UBXN7: variants seen among roughly 807,000 people sequenced by gnomAD.
The protein encoded by UBXN7 is UBX domain-containing protein 7.
In UBXN7, 9 loss-of-function variants were observed where a neutral mutation model predicts 58.0. The ratio of observed to expected loss-of-function variants is 0.16; its 90% CI spans 0.09 to 0.27. The LOEUF is 0.27. UBXN7 is among the 10% of genes least tolerant of loss of function. The pLI, the probability that UBXN7 is intolerant of heterozygous loss-of-function variation, is 1.00. For missense variants in UBXN7, 328 were observed against 599.6 expected (o/e 0.55, Z 4.73); for synonymous variants, 208 against 205.0 (o/e 1.01, Z -0.12).
At chr3:196,415,780 C>CA (rs570503579) in intron 1 of UBXN7, among the ~76,000 whole-genome samples, 18,008 of 137,892 alleles carry the variant, frequency 0.13, 1,190 homozygotes, top group South Asian at 0.22. Context: ...GACTTCATCT[C>CA]AAAAAAAAAA....
intron 5 of UBXN7, among the ~76,000 whole-genome samples, chr3:196,388,798 C>T (rs1662634488): frequency 6.6e-6 from 1 of 152,076 alleles, no homozygotes; most frequent in African/African-American, 2.4e-5. Flanking sequence ...CTTAATTTTG[C>T]TTGTTATCTC....
At chr3:196,385,819 C>A (rs1474895314) in intron 5 of UBXN7, among the ~76,000 whole-genome samples, 2 of 151,284 alleles carry the variant, frequency 1.3e-5, no homozygotes, top group African/African-American at 4.9e-5. Flanking sequence ...CTCTGCCCGG[C>A]CGCCCCGTCT....
At chr3:196,415,176 C>T (rs1730442880) in intron 1 of UBXN7, among the ~76,000 whole-genome samples, 1 of 135,416 alleles carries the variant, frequency 7.4e-6, no homozygotes, top group African/African-American at 2.8e-5. Flanking sequence ...TTTTTTGAGA[C>T]AGAGTCTCGT....
At chr3:196,363,268 A>T (rs1249715285) in intron 8 of UBXN7, among the ~76,000 whole-genome samples, 1 of 149,250 alleles carries the variant, frequency 6.7e-6, no homozygotes, top group Non-Finnish European at 1.5e-5. Context: ...ATATACACAT[A>T]TTTTTTTTTC....
intron 1 of UBXN7, among the ~76,000 whole-genome samples, chr3:196,412,590 C>G (rs779244101): frequency 6.6e-6 from 1 of 152,106 alleles, no homozygotes; most frequent in Non-Finnish European, 1.5e-5. Context: ...ACCCAGAGAA[C>G]TGAAAGCAGG....
At chr3:196,379,635 A>G (rs1171710229) in intron 5 of UBXN7, among the ~76,000 whole-genome samples, 5 of 152,174 alleles carry the variant, frequency 3.3e-5, no homozygotes, top group Non-Finnish European at 5.9e-5. Flanking sequence ...CTCAGTCTGA[A>G]AGCATCTGTA....
At chr3:196,377,477 T>C (rs1166998144) in intron 5 of UBXN7, among the ~76,000 whole-genome samples, 5 of 152,192 alleles carry the variant, frequency 3.3e-5, no homozygotes, top group African/African-American at 1.2e-4. Context: ...TATAAACATA[T>C]GTGGAACCTA....
rs371332814 is a variant in UBXN7, at chr3:196,417,181, C to T, written c.74-9788G>A. Among the ~76,000 whole-genome samples the T allele has an allele frequency of 6.6e-5, 10 of 152,080 alleles. No individual in the cohort carries two copies. In the East Asian group the frequency reaches 1.2e-3, roughly 18 times the overall value. ...ACAAAAAATTAGCCGGGCGTGGTGG[C>T]GGGCGCTTGTAGTCCCAGCTGCTGG... On this transcript the variant is annotated intron_variant, in intron 1 of 10. Transcript: ENST00000296328.
intron 1 of UBXN7, among the ~76,000 whole-genome samples, chr3:196,407,889 G>A (rs1374160573): frequency 6.6e-6 from 1 of 151,930 alleles, no homozygotes; most frequent in Non-Finnish European, 1.5e-5. Flanking sequence ...CACGAGGTCA[G>A]GAGTTGGAGA....
At position 196,349,469 on chromosome 3, in the gene UBXN7, T is replaced by C. The variant is rs1204179817; in HGVS notation, c.*7216A>G. 6.6e-6 allele frequency: 1 copy of C among 152,238 alleles called. No homozygotes were observed. The highest frequency in any genetic ancestry group is 1.5e-5 in the Non-Finnish European group (1 of 68,038). The allele number at this position is 152,238 out of a possible 1,614,324, so 9.4% of individuals were successfully genotyped here. A position where few individuals can be genotyped will look rare whatever the true frequency, so the allele number is the denominator to read the frequency against. On this transcript the variant is annotated 3_prime_UTR_variant, in exon 11 of 11. Coordinates refer to ENST00000296328, the MANE Select transcript of UBXN7 (RefSeq NM_015562.2). ...TCATAAACATATTTATATTTGGAATTACACCATTTGATATCTCCATTAAGA... is the reference window on the plus strand; with the variant it reads ...TCATAAACATATTTATATTTGGAATCACACCATTTGATATCTCCATTAAGA...
At chr3:196,411,018 C>T (rs1029418998) in intron 1 of UBXN7, among the ~76,000 whole-genome samples, 9 of 152,120 alleles carry the variant, frequency 5.9e-5, no homozygotes, top group Non-Finnish European at 1.2e-4. Context: ...CCCCATCGTC[C>T]CCTCATCTAG....
At chr3:196,404,974 C>CA (rs1730114919) in intron 2 of UBXN7, among the ~76,000 whole-genome samples, 1 of 151,978 alleles carries the variant, frequency 6.6e-6, no homozygotes, top group Non-Finnish European at 1.5e-5. Flanking sequence ...GGCAACAAGG[C>CA]AAAACCCCAT....
intron 1 of UBXN7, among the ~76,000 whole-genome samples, chr3:196,426,574 C>T (rs1577482911): frequency 1.3e-5 from 2 of 151,962 alleles, no homozygotes; most frequent in East Asian, 1.9e-4. Context: ...TGAGGCCAGG[C>T]GCGGTGGTTC....
At chr3:196,408,978 G>A (rs1016150975) in intron 1 of UBXN7, among the ~76,000 whole-genome samples, 18 of 151,948 alleles carry the variant, frequency 1.2e-4, no homozygotes, top group Non-Finnish European at 2.1e-4. Context: ...ATATTTGATC[G>A]TTGTCTCGCC....
intron 3 of UBXN7, among the ~76,000 whole-genome samples, chr3:196,398,074 G>A (rs988920105): frequency 3.3e-5 from 5 of 152,168 alleles, no homozygotes; most frequent in African/African-American, 9.7e-5. Flanking sequence ...TCCAGATTAC[G>A]TTACAAAAAG....
intron 5 of UBXN7, among the ~76,000 whole-genome samples, chr3:196,385,886 A>C (rs1729372894): frequency 6.6e-6 from 1 of 152,182 alleles, no homozygotes; most frequent in Non-Finnish European, 1.5e-5. Flanking sequence ...TGTACCCAAT[A>C]GCTCATTGAG....
At chr3:196,428,067 TG>T (rs1157308599) in intron 1 of UBXN7, among the ~76,000 whole-genome samples, 1 of 152,112 alleles carries the variant, frequency 6.6e-6, no homozygotes, top group Non-Finnish European at 1.5e-5. Flanking sequence ...GAGACAGCAG[TG>T]AGCCGAAATC....
At chr3:196,386,523 G>C (rs964491670) in intron 5 of UBXN7, among the ~76,000 whole-genome samples, 1 of 151,816 alleles carries the variant, frequency 6.6e-6, no homozygotes, top group Non-Finnish European at 1.5e-5. Context: ...CAAAGTCTTA[G>C]GATACAAAAT....
intron 8 of UBXN7, 90 bp from the exon 9 acceptor site, chr3:196,362,777 T>A (rs1728539725): frequency 3.4e-6 from 5 of 1,466,154 alleles, no homozygotes; most frequent in Non-Finnish European, 3.6e-6. Context: ...AGCTTGCCAT[T>A]CATTATTATG....
Sources: allele counts gnomAD v4.1 joint callset (sites outside exome capture counted in the v4.1 genomes callset), GRCh38; gene constraint gnomAD v4.1.1; transcripts MANE v1.5; gene names NCBI Gene and HGNC (gene_info 2026-07-23, HGNC 2026-07-21).